The following MCM9 variants were observed in gnomAD, a reference collection of about 807,000 sequenced individuals.
The protein encoded by MCM9 is DNA helicase MCM9.
Under a neutral mutation model 72.8 loss-of-function variants are expected in MCM9, and 55 were observed. The observed-to-expected ratio is 0.76, with a 90% CI of 0.61 to 0.95. The LOEUF (loss-of-function observed/expected upper bound fraction) is 0.95. MCM9 is among the 40% of genes least tolerant of loss of function. The probability of loss-of-function intolerance (pLI) is 0.00; values close to 1 mark genes in which losing one functional copy is unlikely to be tolerated. For synonymous variants in MCM9, 480 were observed against 503.4 expected (o/e 0.95, Z 0.62); for missense variants, 1,279 against 1,377.0 (o/e 0.93, Z 1.13).
chr6:118,930,875 C>A (rs115854365), intron 3 of MCM9, among the ~76,000 whole-genome samples: 2,132 of 152,272 alleles, frequency 0.014, 42 homozygotes, highest in African/African-American at 0.049. Flanking sequence ...CTCCTAGAGG[C>A]AGGAATTCAA....
At chr6:118,823,869 T>C (rs1338316360) in intron 13 of MCM9, among the ~76,000 whole-genome samples, 2 of 151,816 alleles carry the variant, frequency 1.3e-5, no homozygotes, top group Non-Finnish European at 2.9e-5. Flanking sequence ...TAAGACTACA[T>C]GTGATTTTTT....
rs556850049 is a variant in MCM9, at chr6:118,918,215, T to G, written c.704-454A>C. 251 of 156,222 alleles carry G rather than the reference T, an allele frequency of 1.6e-3. 1 individual carries two copies. Among genetic ancestry groups the G allele is most frequent in the Non-Finnish European group, 2.6e-3 (181 of 70,770 alleles). 9.7% of individuals were successfully genotyped at this position (156,222 alleles called of 1,614,324 possible). A position where few individuals can be genotyped will look rare whatever the true frequency, so the allele number is the denominator to read the frequency against. On this transcript the variant is annotated intron_variant, in intron 5 of 13. Transcript: ENST00000619706. ...AGATAACCTTGTGATGACTGGCAGG[T>G]AGTTTGGGTTTCTTACATGTTCATT...
chr6:118,904,587 T>C (rs1780043738), intron 8 of MCM9, among the ~76,000 whole-genome samples: 1 of 152,224 alleles, frequency 6.6e-6, no homozygotes, highest in African/African-American at 2.4e-5. Context: ...GCCCTGCCCT[T>C]CGCTCATGCT....
At chr6:118,887,155 T>C (rs771820797) in intron 8 of MCM9, among the ~76,000 whole-genome samples, 13 of 151,938 alleles carry the variant, frequency 8.6e-5, no homozygotes, top group African/African-American at 1.2e-4. Context: ...AAAATTCATA[T>C]GAAAATTCAA....
At chr6:118,919,323 T>C (rs925141556) in intron 5 of MCM9, 2 of 152,228 alleles carry the variant, frequency 1.3e-5, no homozygotes, top group Non-Finnish European at 2.9e-5. Context: ...CCACTGCCCA[T>C]AGGCTACGTG....
rs141975182 is a variant in MCM9, at chr6:118,841,317, G to A, written c.1326-12067C>T. On this transcript the variant is annotated intron_variant, in intron 9 of 13. Coordinates refer to ENST00000619706, the MANE Select transcript of MCM9 (RefSeq NM_017696.3). ...GCCCATGCAGCCCCCTAGGGGTCAG[G>A]GACCACCCAGTAGGGTTGGCTGGAC... 1.8e-3 allele frequency among the ~76,000 whole-genome samples: 276 copies of A among 152,252 alleles called. 1 individual carries two copies. The highest frequency in any genetic ancestry group is 0.01 in the Middle Eastern group (3 of 294).
intron 8 of MCM9, among the ~76,000 whole-genome samples, chr6:118,892,659 GTTGT>G (rs1779024647): frequency 6.6e-6 from 1 of 152,194 alleles, no homozygotes; most frequent in Non-Finnish European, 1.5e-5. Context: ...TGAAGAGTAT[GTTGT>G]TTATCAGCCA....
chr6:118,843,658 G>GTATATAGATATATGTGTA (rs1775593864), intron 9 of MCM9, among the ~76,000 whole-genome samples: 1 of 21,592 alleles, frequency 4.6e-5, no homozygotes, highest in Non-Finnish European at 8.6e-5. Context: ...ATATATATGT[G>GTATATAGATATATGTGTA]TATATATATA....
At chr6:118,897,537 T>C (rs1198786080) in intron 8 of MCM9, among the ~76,000 whole-genome samples, 2 of 152,140 alleles carry the variant, frequency 1.3e-5, no homozygotes, top group Non-Finnish European at 2.9e-5. Context: ...CAACTTCAGC[T>C]TGTTCTAATT....
At chr6:118,843,642 A>ACGTATATATATATATATATATATACGTG (rs1775559971) in intron 9 of MCM9, among the ~76,000 whole-genome samples, 3 of 3,396 alleles carry the variant, frequency 8.8e-4, no homozygotes, top group Non-Finnish European at 4.1e-3. Flanking sequence ...AAAACAAAAC[A>ACGTATATATATATATATATATATACGTG]TATATATATA....
chr6:118,890,417 C>A (rs1262603764), intron 8 of MCM9, among the ~76,000 whole-genome samples: 2 of 152,256 alleles, frequency 1.3e-5, no homozygotes, highest in East Asian at 3.9e-4. Context: ...GGCTCAAAAA[C>A]AGGTATTTTA....
rs181245103 is a variant in MCM9 at position 118,857,291 on chromosome 6, G to A, written c.1151-746C>T. The stretch of plus-strand genomic sequence containing the variant: ...AAGTTTGCTTCCAGTTACAATATGA[G>A]GGAAGGGATTCTCTTCATATGTCTT... On this transcript the variant is annotated intron_variant, in intron 8 of 13. Transcript: ENST00000619706. 1.2e-3 allele frequency among the ~76,000 whole-genome samples: 180 copies of A among 152,284 alleles called. 1 individual carries two copies. The highest frequency in any genetic ancestry group is 4.2e-3 in the African/African-American group (174 of 41,546).
intron 3 of MCM9, among the ~76,000 whole-genome samples, chr6:118,925,825 C>G (rs1781845529): frequency 6.6e-6 from 1 of 152,102 alleles, no homozygotes; most frequent in Admixed American, 6.6e-5. Context: ...CTGGCCTTAA[C>G]TGGAATATAT....
chr6:118,915,288 T>C lies in MCM9; in HGVS notation c.905-1868A>G, dbSNP rs145794490. ...CCCCCATCCTCACCTCCCTCCCAAA[T>C]TTCTAGTTCTAGACCATGTCAATAG... On this transcript the variant is annotated intron_variant, in intron 6 of 13. Coordinates refer to ENST00000619706, the MANE Select transcript of MCM9 (RefSeq NM_017696.3). Among the ~76,000 whole-genome samples, 270 of 152,236 alleles carry C rather than the reference T, an allele frequency of 1.8e-3. 1 individual carries two copies. The highest frequency in any genetic ancestry group is 6.0e-3 in the African/African-American group (250 of 41,524).
intron 9 of MCM9, among the ~76,000 whole-genome samples, chr6:118,833,136 C>T (rs188741077): frequency 4.8e-4 from 73 of 152,280 alleles, no homozygotes; most frequent in Admixed American, 7.2e-4. Flanking sequence ...GGCCCGGAAT[C>T]ATTGTCGGAG....
intron 3 of MCM9, among the ~76,000 whole-genome samples, chr6:118,927,704 C>A (rs373283579): frequency 6.6e-5 from 10 of 152,018 alleles, no homozygotes; most frequent in African/African-American, 2.4e-4. Context: ...ACTGTATAGA[C>A]AGACACTTGT....
In MCM9 at chr6:118,815,529, A is replaced by G. The variant is rs1341560135; in HGVS notation, c.2727T>C (p.Asn909=). The G allele has an allele frequency of 3.2e-6, 5 of 1,548,556 alleles. No individual in the cohort carries two copies. In the Admixed American group the frequency reaches 9.9e-5, roughly 31 times the overall value. The change falls in exon 14 of 14, where the codon AAT becomes AAC. Residue 909 remains asparagine, a synonymous_variant. Coordinates refer to ENST00000619706, the MANE Select transcript of MCM9 (RefSeq NM_017696.3). ...CCACAGGGGAACCTGGAGGCTTAACATTTTCAATTGCAGGCTCTTCCACTT... is the reference window on the plus strand; with the variant it reads ...CCACAGGGGAACCTGGAGGCTTAACGTTTTCAATTGCAGGCTCTTCCACTT... ...LAQVEEPAIE[N]VKPPGSPVAK... is the part of the protein sequence containing the mutation.
intron 8 of MCM9, among the ~76,000 whole-genome samples, chr6:118,903,488 G>GA (rs1779944990): frequency 6.6e-6 from 1 of 151,750 alleles, no homozygotes; most frequent in African/African-American, 2.4e-5. Flanking sequence ...CCTGGATAAA[G>GA]CATAGCATCT....
chr6:118,846,728 A>G lies in MCM9; in HGVS notation c.1325+9643T>C, dbSNP rs573162892. Among the ~76,000 whole-genome samples the G allele has an allele frequency of 3.7e-4, 56 of 151,980 alleles. 2 individuals carry two copies. The highest frequency in any genetic ancestry group is 1.3e-3 in the African/African-American group (54 of 41,224). On this transcript the variant is annotated intron_variant, in intron 9 of 13. Transcript: ENST00000619706. The stretch of plus-strand genomic sequence containing the variant: ...AAACAGACAAATCAACCATCCCCTT[A>G]TGGAAAACACTATTAAGTAAAATGC...
Sources: allele counts gnomAD v4.1 joint callset (sites outside exome capture counted in the v4.1 genomes callset), GRCh38; gene constraint gnomAD v4.1.1; transcripts MANE v1.5; gene names NCBI Gene and HGNC (gene_info 2026-07-23, HGNC 2026-07-21).